ABCB5: variants seen among roughly 807,000 people sequenced by gnomAD.
ABCB5 encodes the protein ATP binding cassette subfamily B member 5, also known as ATP-binding cassette sub-family B member 5.
A neutral mutation model predicts 144.2 loss-of-function variants in ABCB5; 155 were observed. The observed-to-expected ratio is 1.08, with a 90% confidence interval of 0.94 to 1.23. ABCB5 has a LOEUF of 1.23. ABCB5 is among the 50% of genes most tolerant of loss of function. The probability of loss-of-function intolerance (pLI) is 0.00; values close to 1 mark genes in which losing one functional copy is unlikely to be tolerated. For missense variants in ABCB5, 1,830 were observed against 1,520.8 expected (o/e 1.20, Z -3.38); for synonymous variants, 610 against 528.6 (o/e 1.15, Z -2.11).
intron 26 of ABCB5, among the ~76,000 whole-genome samples, chr7:20,749,528 T>A (rs1260385257): frequency 6.6e-6 from 1 of 151,148 alleles, no homozygotes; most frequent in Admixed American, 6.6e-5. Flanking sequence ...CATGTCTTCA[T>A]TCCTCTATCC....
rs1173246539 is a variant in ABCB5 at position 20,753,443 on chromosome 7, C to A, written c.3513C>A (p.Leu1171=). 1 of 1,614,072 alleles carries A rather than the reference C, an allele frequency of 6.2e-7. No homozygotes were observed. Among genetic ancestry groups the A allele is most frequent in the Non-Finnish European group, 8.5e-7 (1 of 1,179,968 alleles). The change falls in exon 27 of 28, where the codon CTC becomes CTA. Residue 1171 remains leucine (L), a synonymous_variant. Coordinates refer to ENST00000404938, the MANE Select transcript of ABCB5 (RefSeq NM_001163941.2). The part of the protein sequence containing the change: ...KQRLAIARAL[L]QKPKILLLDE... ...GACTAGCTATTGCAAGGGCTCTTCT[C>A]CAAAAACCCAAAATTTTATTGTTGG...
At chr7:20,733,353 T>G (rs1782282761) in intron 23 of ABCB5, among the ~76,000 whole-genome samples, 1 of 152,154 alleles carries the variant, frequency 6.6e-6, no homozygotes, top group Non-Finnish European at 1.5e-5. Flanking sequence ...TAGTGCTATT[T>G]TATAGCCCTA....
In ABCB5 at chr7:20,706,273, C is replaced by A. The variant is rs1209774529; in HGVS notation, c.2421+1466C>A. ...TTGAATTCCCACTCCACAAAATTTGCTATTTTTTCTTTACTGTGTTAATGT... is the reference window on the plus strand; with the variant it reads ...TTGAATTCCCACTCCACAAAATTTGATATTTTTTCTTTACTGTGTTAATGT... On this transcript the variant is annotated intron_variant, in intron 20 of 27. Coordinates refer to ENST00000404938, the MANE Select transcript of ABCB5 (RefSeq NM_001163941.2). Among the ~76,000 whole-genome samples the A allele has an allele frequency of 2.6e-5, 4 of 152,112 alleles. No homozygotes were observed. The East Asian group carries it at 7.7e-4, about 29-fold the overall frequency.
chr7:20,749,674 A>G (rs891435076), intron 26 of ABCB5, among the ~76,000 whole-genome samples: 1 of 152,092 alleles, frequency 6.6e-6, no homozygotes, highest in Non-Finnish European at 1.5e-5. Flanking sequence ...TAAGATGAAC[A>G]CAGATCAACA....
chr7:20,675,362 T>C (rs980755870), intron 14 of ABCB5, among the ~76,000 whole-genome samples: 1 of 148,432 alleles, frequency 6.7e-6, no homozygotes, highest in Non-Finnish European at 1.5e-5. Flanking sequence ...CAACTGACCT[T>C]TGACAAGGGT....
intron 16 of ABCB5, among the ~76,000 whole-genome samples, chr7:20,686,952 C>T (rs920198440): frequency 6.6e-6 from 1 of 152,184 alleles, no homozygotes; most frequent in Non-Finnish European, 1.5e-5. Flanking sequence ...ATTTTAGCTA[C>T]AACTCTTTCC....
chr7:20,633,094 ACTT>A (rs1784073296), intron 5 of ABCB5, among the ~76,000 whole-genome samples: 1 of 151,940 alleles, frequency 6.6e-6, no homozygotes, highest in Non-Finnish European at 1.5e-5. Flanking sequence ...ATAATAAAAT[ACTT>A]CTTAACATAA....
intron 17 of ABCB5, among the ~76,000 whole-genome samples, chr7:20,699,425 G>A (rs1208776280): frequency 1.3e-5 from 2 of 152,288 alleles, no homozygotes; most frequent in Non-Finnish European, 2.9e-5. Context: ...TTTAAGCTGG[G>A]TGCAATGGCT....
chr7:20,650,569 C>CT (rs71020652), intron 12 of ABCB5, among the ~76,000 whole-genome samples: 35 of 147,040 alleles, frequency 2.4e-4, no homozygotes, highest in East Asian at 4.0e-4. Flanking sequence ...TTTTCTTTTC[C>CT]TTTTTTTTTT....
intron 5 of ABCB5, among the ~76,000 whole-genome samples, chr7:20,640,312 CT>C: frequency 6.6e-6 from 1 of 152,270 alleles, no homozygotes; most frequent in East Asian, 1.9e-4. Flanking sequence ...TGGTGACAAA[CT>C]TTTCGTCAAC....
intron 23 of ABCB5, among the ~76,000 whole-genome samples, chr7:20,728,927 T>C (rs66517007): frequency 0.34 from 52,104 of 151,990 alleles, 9,495 homozygotes; most frequent in East Asian, 0.67. Flanking sequence ...TATACACATA[T>C]TTTTAAATTT....
chr7:20,752,594 A>G (rs1562594361), intron 26 of ABCB5, among the ~76,000 whole-genome samples: 1 of 152,222 alleles, frequency 6.6e-6, no homozygotes, highest in Non-Finnish European at 1.5e-5. Flanking sequence ...CACGCCTGCA[A>G]TCCCAACACT....
At chr7:20,634,190 A>AAAC (rs1554279011) in intron 5 of ABCB5, among the ~76,000 whole-genome samples, 3 of 150,900 alleles carry the variant, frequency 2.0e-5, no homozygotes, top group Admixed American at 1.3e-4. Flanking sequence ...CTGCAAAAAA[A>AAAC]AAACAAACCA....
intron 16 of ABCB5, among the ~76,000 whole-genome samples, chr7:20,697,439 T>G (rs1330786851): frequency 7.2e-5 from 11 of 152,338 alleles, no homozygotes; most frequent in Middle Eastern, 3.4e-3. Flanking sequence ...CACTGTCTAC[T>G]TTCCTACTCA....
In ABCB5 at chr7:20,643,308, G is replaced by C. The variant is rs1464899595; in HGVS notation, c.439G>C (p.Val147Leu). ...GATTCGAAAACAGTTTTTTCATTCA[G>C]TTTTGGCACAGGACATCGGCTGGTT... ...KRIRKQFFHS[V>L]LAQDIGWFDS... The change falls in exon 6 of 28, where the codon GTT becomes CTT. Residue 147 changes from valine to leucine, a missense_variant. Val to Leu is a conservative substitution (Grantham distance 32). Coordinates refer to ENST00000404938, the MANE Select transcript of ABCB5 (RefSeq NM_001163941.2). 4.3e-6 allele frequency: 7 copies of C among 1,614,010 alleles called. No individual in the cohort carries two copies. Among genetic ancestry groups the C allele is most frequent in the African/African-American group, 1.3e-5 (1 of 75,048 alleles).
chr7:20,656,950 T>C lies in ABCB5; in HGVS notation c.1537-1556T>C, dbSNP rs542396053. ...TTTTTTTTGATATGGGGTCTCACTC[T>C]GTCACCTAGGGTGGAGTGCAATGCA... On this transcript the variant is annotated intron_variant, in intron 13 of 27. Transcript: ENST00000404938. Among the ~76,000 whole-genome samples the C allele has an allele frequency of 2.1e-4, 30 of 146,134 alleles. No individual in the cohort carries two copies. In the South Asian group the frequency reaches 6.5e-3, roughly 32 times the overall value.
Position 20,667,235 on chromosome 7 carries a change from T to C in ABCB5, c.1707+8559T>C, listed in dbSNP as rs985082936. ...AATATCTACCTTAATCAAATATTTA[T>C]AGTTTAGGCCAGGAGCCTGGCAAAG... On this transcript the variant is annotated intron_variant, in intron 14 of 27. Transcript: ENST00000404938. 5.6e-5 allele frequency: 54 copies of C among 959,242 alleles called. No homozygotes were observed. In the Admixed American group the frequency reaches 3.1e-3, roughly 56 times the overall value. The allele number at this position is 959,242 out of a possible 1,614,324, so 59.4% of individuals were successfully genotyped here.
intron 25 of ABCB5, among the ~76,000 whole-genome samples, chr7:20,744,546 T>C (rs6967583): frequency 0.83 from 125,826 of 151,280 alleles, 52,396 homozygotes; most frequent in East Asian, 0.86. Context: ...TACTTTCCTC[T>C]CCTGAGTTTA....
chr7:20,710,292 G>A (rs1223178557), intron 20 of ABCB5, among the ~76,000 whole-genome samples: 2 of 139,596 alleles, frequency 1.4e-5, no homozygotes, highest in Admixed American at 7.2e-5. Flanking sequence ...GTTTGAACCC[G>A]GGAGGCAGAG....
Sources: allele counts gnomAD v4.1 joint callset (sites outside exome capture counted in the v4.1 genomes callset), GRCh38; gene constraint gnomAD v4.1.1; transcripts MANE v1.5; gene names NCBI Gene and HGNC (gene_info 2026-07-23, HGNC 2026-07-21).